The following TNFSF4 variants were observed in gnomAD, a reference collection of about 807,000 sequenced individuals.
The protein encoded by TNFSF4 is TNF superfamily member 4.
Under a neutral mutation model 7.3 loss-of-function variants are expected in TNFSF4, and 4 were observed. The observed-to-expected ratio is 0.55, with a 90% CI of 0.27 to 1.25. The LOEUF is 1.25. TNFSF4 is among the 50% of genes most tolerant of loss of function. The probability of loss-of-function intolerance (pLI) is 0.12; values close to 1 mark genes in which losing one functional copy is unlikely to be tolerated. For missense variants in TNFSF4, 181 were observed against 208.8 expected, an observed-to-expected ratio of 0.87 and a Z score of 0.82; for synonymous variants, 76 against 83.7, an observed-to-expected ratio of 0.91 and a Z score of 0.50.
the TNFSF4 span, among the ~76,000 whole-genome samples, chr1:173,343,923 A>G: frequency 6.6e-6 from 1 of 152,236 alleles, no homozygotes; most frequent in African/African-American, 2.4e-5. Context: ...AGGAACAGAC[A>G]GGTGTTAGAG....
chr1:173,360,272 C>G, the TNFSF4 span, among the ~76,000 whole-genome samples: 1 of 152,364 alleles, frequency 6.6e-6, no homozygotes. Context: ...GCTTCCCATT[C>G]TCCTGGACTG....
chr1:173,381,504 G>A, the TNFSF4 span, among the ~76,000 whole-genome samples: 6 of 152,230 alleles, frequency 3.9e-5, no homozygotes, highest in African/African-American at 1.2e-4. Flanking sequence ...TGTCAAATGT[G>A]TTTCCTCCAG....
At chr1:173,201,096 G>C (rs1192582348) in intron 1 of TNFSF4, among the ~76,000 whole-genome samples, 2 of 152,210 alleles carry the variant, frequency 1.3e-5, no homozygotes, top group Non-Finnish European at 2.9e-5. Context: ...TGGTAGCCAA[G>C]TCATTGGAGA....
chr1:173,280,730 A>T, the TNFSF4 span, among the ~76,000 whole-genome samples: 1 of 152,162 alleles, frequency 6.6e-6, no homozygotes, highest in African/African-American at 2.4e-5. Context: ...TCTACTTAGT[A>T]TGTTAAAATC....
the TNFSF4 span, among the ~76,000 whole-genome samples, chr1:173,338,144 T>C: frequency 6.6e-6 from 1 of 151,962 alleles, no homozygotes; most frequent in Non-Finnish European, 1.5e-5. Context: ...CAACCCTGAG[T>C]CCCCAGCATG....
intron 2 of TNFSF4, among the ~76,000 whole-genome samples, chr1:173,188,211 CCTTAGTTTCCCTAACTAAGAAATGGAAAT>C (rs1204183795): frequency 7.9e-5 from 12 of 152,140 alleles, no homozygotes; most frequent in African/African-American, 2.9e-4. Flanking sequence ...AGAAGTAAAG[CCTTAGTTTCCCTAACTAAGAAATGGAAAT>C]AATTTCTACC....
At chr1:173,261,968 C>A in the TNFSF4 span, among the ~76,000 whole-genome samples, 258 of 152,310 alleles carry the variant, frequency 1.7e-3, no homozygotes, top group Non-Finnish European at 2.8e-3. Context: ...GGACTCCTCC[C>A]TAACTCATTT....
chr1:173,449,150 C>T, the TNFSF4 span, among the ~76,000 whole-genome samples: 2 of 152,058 alleles, frequency 1.3e-5, no homozygotes, highest in Admixed American at 1.3e-4. Context: ...TGTGGCACCT[C>T]CCCCTACTCC....
chr1:173,401,040 A>G, the TNFSF4 span, among the ~76,000 whole-genome samples: 2 of 152,146 alleles, frequency 1.3e-5, no homozygotes, highest in African/African-American at 4.8e-5. Flanking sequence ...ATATACATAT[A>G]TATTTGCTTT....
the TNFSF4 span, among the ~76,000 whole-genome samples, chr1:173,220,530 T>G: frequency 1.3e-5 from 2 of 152,210 alleles, no homozygotes; most frequent in African/African-American, 4.8e-5. Context: ...AATATTTATG[T>G]TCTCCAAAAA....
the TNFSF4 span, among the ~76,000 whole-genome samples, chr1:173,249,010 A>T: frequency 3.4e-3 from 518 of 152,372 alleles, 6 homozygotes; most frequent in African/African-American, 0.012. Context: ...ATGAATGAGT[A>T]GCCAACTAAA....
chr1:173,311,938 T>G, the TNFSF4 span, among the ~76,000 whole-genome samples: 3 of 152,156 alleles, frequency 2.0e-5, no homozygotes, highest in Non-Finnish European at 4.4e-5. Flanking sequence ...ATAATAGGCA[T>G]CCTTGAATTA....
chr1:173,429,407 A>G, the TNFSF4 span, among the ~76,000 whole-genome samples: 1 of 152,248 alleles, frequency 6.6e-6, no homozygotes, highest in East Asian at 1.9e-4. Flanking sequence ...AGCATCTGTT[A>G]GGTGCTAAAT....
the TNFSF4 span, among the ~76,000 whole-genome samples, chr1:173,447,165 T>C: frequency 6.6e-6 from 1 of 152,178 alleles, no homozygotes; most frequent in Non-Finnish European, 1.5e-5. Flanking sequence ...ATTCCTACTA[T>C]GCGATATTCT....
At chr1:173,361,551 A>G in the TNFSF4 span, among the ~76,000 whole-genome samples, 3 of 152,208 alleles carry the variant, frequency 2.0e-5, no homozygotes, top group Admixed American at 1.3e-4. Flanking sequence ...GTGAGCCGAG[A>G]TAGCACCACT....
chr1:173,303,982 T>C, the TNFSF4 span, among the ~76,000 whole-genome samples: 1 of 152,070 alleles, frequency 6.6e-6, no homozygotes, highest in Middle Eastern at 3.4e-3. Flanking sequence ...AAGAAAGATA[T>C]ATTGCTTTAA....
the TNFSF4 span, among the ~76,000 whole-genome samples, chr1:173,404,162 G>A: frequency 6.6e-6 from 1 of 152,244 alleles, no homozygotes; most frequent in South Asian, 2.1e-4. Flanking sequence ...GTGATAATGG[G>A]GCAAGTCCCT....
At chr1:173,226,184 C>A in the TNFSF4 span, among the ~76,000 whole-genome samples, 1 of 152,086 alleles carries the variant, frequency 6.6e-6, no homozygotes, top group African/African-American at 2.4e-5. Flanking sequence ...GTTTATGAAA[C>A]AGATTATCAG....
At chr1:173,328,515 TA>T in the TNFSF4 span, among the ~76,000 whole-genome samples, 1 of 144,760 alleles carries the variant, frequency 6.9e-6, no homozygotes, top group Non-Finnish European at 1.5e-5. Flanking sequence ...AATAATAAAA[TA>T]AAAAAATACA....
Sources: allele counts gnomAD v4.1 joint callset (sites outside exome capture counted in the v4.1 genomes callset), GRCh38; gene constraint gnomAD v4.1.1; transcripts MANE v1.5; gene names NCBI Gene and HGNC (gene_info 2026-07-23, HGNC 2026-07-21).